AMZ1: variants seen among roughly 807,000 people sequenced by gnomAD.
AMZ1 encodes the protein archaemetzincin-1.
AMZ1 carries 39 observed loss-of-function variants against 29.9 expected under a neutral mutation model. The ratio of observed to expected loss-of-function variants is 1.30; its 90% CI spans 1.01 to 1.70. The LOEUF (loss-of-function observed/expected upper bound fraction) is 1.70. Ranked by LOEUF, AMZ1 falls within the 40% of genes most tolerant of loss-of-function variation. AMZ1 has a pLI of 0.00. For missense variants in AMZ1, 1,041 were observed against 680.6 expected, an observed-to-expected ratio of 1.53 and a Z score of -5.89; for synonymous variants, 458 against 304.0, an observed-to-expected ratio of 1.51 and a Z score of -5.27.
chr7:2,692,158 T>G (rs1787430929), intron 1 of AMZ1, among the ~76,000 whole-genome samples: 1 of 152,116 alleles, frequency 6.6e-6, no homozygotes, highest in Non-Finnish European at 1.5e-5. Flanking sequence ...GCTAAGTGCC[T>G]CCTCCTCCTA....
intron 1 of AMZ1, among the ~76,000 whole-genome samples, chr7:2,692,235 T>C (rs1787436497): frequency 6.6e-6 from 1 of 151,944 alleles, no homozygotes; most frequent in African/African-American, 2.4e-5. Context: ...GAGGACACAG[T>C]GGGGTTGAAA....
In AMZ1 at chr7:2,705,391, G is replaced by C. The variant is rs533491998; in HGVS notation, c.472+2502G>C. ...TTAGGTCTCTGCCTTGGTTATTGAG[G>C]TATAATTTAGATAGTAAAATTCATC... On this transcript the variant is annotated intron_variant, in intron 3 of 6. Transcript: ENST00000683327. Among the ~76,000 whole-genome samples, 44 of 152,222 alleles carry C rather than the reference G, an allele frequency of 2.9e-4. 1 individual carries two copies. The highest frequency in any genetic ancestry group is 1.1e-3 in the African/African-American group (44 of 41,530).
chr7:2,759,564 C>T (rs1208412422), intron 4 of AMZ1, among the ~76,000 whole-genome samples: 4 of 152,184 alleles, frequency 2.6e-5, no homozygotes, highest in Non-Finnish European at 4.4e-5. Flanking sequence ...ATAGTGGTGA[C>T]GCTGGGGTGG....
In AMZ1 at chr7:2,731,346, G is replaced by C; in HGVS notation, n.550+21530G>C. 1 of 1,613,990 alleles carries C rather than the reference G, an allele frequency of 6.2e-7. No homozygotes were observed. Among genetic ancestry groups the C allele is most frequent in the Non-Finnish European group, 8.5e-7 (1 of 1,179,986 alleles). ...CGAAGCACTGGACCAGGTAGCGCTG[G>C]ACGTCCTCCAGCCTGTGCGGGTCGC... On this transcript the variant is annotated intron_variant and non_coding_transcript_variant, in intron 4 of 4. Coordinates refer to the AMZ1 transcript ENST00000489665. This position sits in a 1 kb window ranked among gnomAD's most constrained non-coding sequence, Gnocchi z 6.0.
intron 4 of AMZ1, among the ~76,000 whole-genome samples, chr7:2,737,121 T>C (rs766854152): frequency 6.6e-5 from 10 of 152,216 alleles, no homozygotes; most frequent in Non-Finnish European, 8.8e-5. Context: ...TAACCGTGGA[T>C]TGGTCTCAGA....
chr7:2,734,311 A>T (rs931946545), intron 4 of AMZ1, among the ~76,000 whole-genome samples: 5 of 152,230 alleles, frequency 3.3e-5, no homozygotes, highest in Admixed American at 1.3e-4. Flanking sequence ...AAGGTAGCGT[A>T]TTAAAAACCA....
upstream of AMZ1, among the ~76,000 whole-genome samples, chr7:2,685,329 G>C (rs915051501): frequency 1.7e-4 from 26 of 150,538 alleles, no homozygotes; most frequent in African/African-American, 6.3e-4. Context: ...AGGCCAAGGC[G>C]GGTGGATCAC....
rs765243933 is a variant in AMZ1 at position 2,708,688 on chromosome 7, C to G, written c.573C>G (p.Phe191Leu). 6.2e-7 allele frequency: 1 copy of G among 1,613,100 alleles called. No individual in the cohort carries two copies. Among genetic ancestry groups the G allele is most frequent in the Non-Finnish European group, 8.5e-7 (1 of 1,180,006 alleles). Residue 191 changes from phenylalanine to leucine, a missense_variant, in exon 4 of 7, where the codon TTC becomes TTG. Phe to Leu is a conservative substitution (Grantham distance 22). Coordinates refer to ENST00000683327, the MANE Select transcript of AMZ1 (RefSeq NM_001384743.1). ...TGTACCCCCATGAGGCCTGGAGCTT[C>G]ACCTTCAGCAAGTTCCTTCCAGGGC... ...SDLYPHEAWS[F>L]TFSKFLPGHE...
chr7:2,754,458 C>T (rs1316455130), intron 4 of AMZ1, among the ~76,000 whole-genome samples: 1 of 152,010 alleles, frequency 6.6e-6, no homozygotes, highest in Non-Finnish European at 1.5e-5. Context: ...CTAAGAGGAT[C>T]TGGGCAGGGC....
At chr7:2,728,352 A>G (rs1007444830) in intron 4 of AMZ1, 27 of 152,056 alleles carry the variant, frequency 1.8e-4, no homozygotes, top group Admixed American at 7.2e-4. Context: ...TTTTTTTTCA[A>G]TCTTGGAGTT....
rs920421591 is a variant in AMZ1, at chr7:2,717,258, A to C, written c.*4380A>C. On this transcript the variant is annotated 3_prime_UTR_variant, in exon 7 of 7. Coordinates refer to ENST00000683327, the MANE Select transcript of AMZ1 (RefSeq NM_001384743.1). ...AAAAGGAGGGCGAGGCCTGCACAGG[A>C]ATATTTTTATCCCCGTGAAGACGGA... Among the ~76,000 whole-genome samples, 3 of 152,236 alleles carry C rather than the reference A, an allele frequency of 2.0e-5. No individual in the cohort carries two copies. Among genetic ancestry groups the C allele is most frequent in the African/African-American group, 7.2e-5 (3 of 41,464 alleles).
downstream of AMZ1, among the ~76,000 whole-genome samples, chr7:2,721,541 C>T (rs1789420929): frequency 1.3e-5 from 2 of 152,144 alleles, no homozygotes; most frequent in East Asian, 1.9e-4. Context: ...ACGGTGAAGC[C>T]CTGTCTCTAC....
intron 4 of AMZ1, among the ~76,000 whole-genome samples, chr7:2,736,905 T>A (rs1207555239): frequency 2.0e-5 from 3 of 152,196 alleles, no homozygotes; most frequent in Admixed American, 2.0e-4. Flanking sequence ...GAAAAGAGCT[T>A]CAGATCATTC....
intron 4 of AMZ1, among the ~76,000 whole-genome samples, chr7:2,746,124 T>G (rs59425939): frequency 6.6e-6 from 1 of 152,022 alleles, no homozygotes; most frequent in Non-Finnish European, 1.5e-5. Context: ...GACAGAAAGT[T>G]AACAAGGATA....
In AMZ1 at chr7:2,738,486, G is replaced by A. The variant is rs11976896; in HGVS notation, n.551-26226G>A. Among the ~76,000 whole-genome samples the A allele has an allele frequency of 4.6e-3, 697 of 152,256 alleles. 8 individuals carry two copies. Among genetic ancestry groups the A allele is most frequent in the African/African-American group, 0.016 (657 of 41,532 alleles). The stretch of plus-strand genomic sequence containing the variant: ...TCCGATACCCACTGCCAAAGGAAAA[G>A]CACAAGGCACGAAACAACGCAGAGT... On this transcript the variant is annotated intron_variant and non_coding_transcript_variant, in intron 4 of 4. Transcript: ENST00000489665.
rs1788525814 is a variant in AMZ1 at position 2,708,664 on chromosome 7, G to GT, written c.550dup (p.Tyr184LeufsTer4). 6.2e-7 allele frequency: 1 copy of GT among 1,613,084 alleles called. No individual in the cohort carries two copies. Among genetic ancestry groups the GT allele is most frequent in the African/African-American group, 1.3e-5 (1 of 74,914 alleles). On this transcript the variant is annotated frameshift_variant, in exon 4 of 7. Coordinates refer to ENST00000683327, the MANE Select transcript of AMZ1 (RefSeq NM_001384743.1). LOFTEE classifies it high-confidence loss of function. ...TGCTGGGCCTCACACTGTCTGACCT[G>GT]TACCCCCATGAGGCCTGGAGCTTCA...
upstream of AMZ1, chr7:2,762,483 G>T: frequency 1.4e-6 from 1 of 711,106 alleles, no homozygotes; most frequent in Non-Finnish European, 2.2e-6. Context: ...ACCCGTGTGC[G>T]GGGCCTGAGG....
intron 3 of AMZ1, among the ~76,000 whole-genome samples, chr7:2,704,146 C>T (rs1788215606): frequency 6.6e-6 from 1 of 152,210 alleles, no homozygotes; most frequent in Admixed American, 6.5e-5. Context: ...GCATTGGCCT[C>T]CCAAAGTGCT....
At chr7:2,723,221 C>G (rs1789493748), downstream of AMZ1, among the ~76,000 whole-genome samples, 1 of 152,182 alleles carries the variant, frequency 6.6e-6, no homozygotes, top group Non-Finnish European at 1.5e-5. Context: ...TGTGGGGGCC[C>G]TGCTGCAGAC....
Sources: allele counts gnomAD v4.1 joint callset (sites outside exome capture counted in the v4.1 genomes callset), GRCh38; gene constraint gnomAD v4.1.1; non-coding constraint Gnocchi (gnomAD v3.1); transcripts MANE v1.5; gene names NCBI Gene and HGNC (gene_info 2026-07-23, HGNC 2026-07-21).